CALD1: variants seen among roughly 807,000 people sequenced by gnomAD.
CALD1 encodes the protein caldesmon.
Under a neutral mutation model 99.9 loss-of-function variants are expected in CALD1, and 33 were observed. The ratio of observed to expected loss-of-function variants is 0.33; its 90% confidence interval spans 0.25 to 0.44. The LOEUF (loss-of-function observed/expected upper bound fraction) is 0.44. Among genes scored for constraint, CALD1 ranks in the 20% least tolerant of loss-of-function variants. The pLI is 1.00. For synonymous variants in CALD1, 310 were observed against 325.0 expected (o/e 0.95, Z 0.50); for missense variants, 861 against 962.1 (o/e 0.89, Z 1.39).
intron 1 of CALD1, among the ~76,000 whole-genome samples, chr7:134,758,094 A>G (rs1284962470): frequency 6.6e-6 from 1 of 152,106 alleles, no homozygotes; most frequent in Non-Finnish European, 1.5e-5. Context: ...CCACCCAGAA[A>G]CTTTCTACAA....
intron 1 of CALD1, among the ~76,000 whole-genome samples, chr7:134,831,178 T>C (rs1039045342): frequency 2.6e-5 from 4 of 152,020 alleles, no homozygotes; most frequent in African/African-American, 9.7e-5. Context: ...AGTGAAAAAA[T>C]TGAGTGCATA....
the CALD1 span, among the ~76,000 whole-genome samples, chr7:134,722,389 TTTTGTTTA>T: frequency 6.7e-6 from 1 of 148,974 alleles, no homozygotes; most frequent in African/African-American, 2.4e-5. Context: ...AGTAGTTCGA[TTTTGTTTA>T]TTTATTTATT....
chr7:134,788,044 A>G (rs1175455610), intron 1 of CALD1, among the ~76,000 whole-genome samples: 1 of 152,156 alleles, frequency 6.6e-6, no homozygotes, highest in Non-Finnish European at 1.5e-5. Context: ...CTGCACCCCA[A>G]ACTCATACTG....
At chr7:134,923,359 A>G (rs1423487270) in intron 3 of CALD1, among the ~76,000 whole-genome samples, 1 of 152,240 alleles carries the variant, frequency 6.6e-6, no homozygotes. Context: ...TTTTTAAAAA[A>G]TAGATCCACA....
In CALD1 at chr7:134,950,890, C is replaced by T. The variant is rs575767642; in HGVS notation, c.1935+376C>T. 5.9e-5 allele frequency among the ~76,000 whole-genome samples: 9 copies of T among 152,302 alleles called. No homozygotes were observed. The South Asian group carries it at 1.7e-3, about 28-fold the overall frequency. ...AGGAGAATCACTTGAACCCAGGAGG[C>T]AGAGGTTGCAGTGAGCTAAGATAAT... On this transcript the variant is annotated intron_variant, in intron 9 of 14. Transcript: ENST00000361675.
intron 2 of CALD1, among the ~76,000 whole-genome samples, chr7:134,852,604 T>C (rs184179275): frequency 7.2e-5 from 11 of 152,260 alleles, no homozygotes; most frequent in South Asian, 2.1e-4. Context: ...TAGGCAGTCA[T>C]TGAATGGAGA....
intron 2 of CALD1, among the ~76,000 whole-genome samples, chr7:134,864,924 T>C (rs568829249): frequency 1.3e-5 from 2 of 152,304 alleles, no homozygotes; most frequent in Admixed American, 6.5e-5. Context: ...CACAAAAATT[T>C]AGATTTTCAT....
intron 3 of CALD1, among the ~76,000 whole-genome samples, chr7:134,878,842 C>T (rs745409470): frequency 6.6e-6 from 1 of 151,796 alleles, no homozygotes; most frequent in Non-Finnish European, 1.5e-5. Context: ...GTAGTGTGTG[C>T]CTGTAGTACC....
At chr7:134,909,063 T>A (rs1418068341) in intron 3 of CALD1, among the ~76,000 whole-genome samples, 1 of 152,192 alleles carries the variant, frequency 6.6e-6, no homozygotes, top group East Asian at 1.9e-4. Flanking sequence ...TTTCTCTGTG[T>A]CCCTGCAAGT....
At chr7:134,847,486 C>T (rs1408392464) in intron 2 of CALD1, among the ~76,000 whole-genome samples, 1 of 152,130 alleles carries the variant, frequency 6.6e-6, no homozygotes, top group African/African-American at 2.4e-5. Flanking sequence ...GGGTCCTTGT[C>T]ATGAGATATG....
At chr7:134,879,064 G>A (rs776760226) in intron 3 of CALD1, among the ~76,000 whole-genome samples, 11 of 152,190 alleles carry the variant, frequency 7.2e-5, no homozygotes, top group Non-Finnish European at 1.5e-4. Flanking sequence ...CAGCAGGAGT[G>A]ACAGATCTGC....
intron 2 of CALD1, among the ~76,000 whole-genome samples, chr7:134,856,384 G>A (rs1360456802): frequency 6.6e-6 from 1 of 152,170 alleles, no homozygotes; most frequent in African/African-American, 2.4e-5. Flanking sequence ...GTAGCCACGC[G>A]AGGCCTGGGA....
chr7:134,849,801 C>T (rs768343348), intron 2 of CALD1, among the ~76,000 whole-genome samples: 15 of 152,040 alleles, frequency 9.9e-5, no homozygotes, highest in African/African-American at 3.4e-4. Context: ...GAGTTTAAGC[C>T]GCAGGGCCTC....
At chr7:134,791,848 C>T (rs892588077) in intron 1 of CALD1, among the ~76,000 whole-genome samples, 3 of 152,026 alleles carry the variant, frequency 2.0e-5, no homozygotes, top group Non-Finnish European at 4.4e-5. Flanking sequence ...ACAATCATGG[C>T]GGAAGGCGAA....
At chr7:134,822,747 A>C (rs1798831762) in intron 1 of CALD1, among the ~76,000 whole-genome samples, 3 of 152,166 alleles carry the variant, frequency 2.0e-5, no homozygotes, top group Non-Finnish European at 1.5e-5. Flanking sequence ...CAGACAACTT[A>C]TTCTACTTCA....
chr7:134,837,762 C>G (rs1279660785), intron 1 of CALD1, among the ~76,000 whole-genome samples: 23 of 152,176 alleles, frequency 1.5e-4, no homozygotes, highest in Non-Finnish European at 1.5e-5. Flanking sequence ...TCATGCAATG[C>G]TACCATAGAG....
At chr7:134,895,340 GTGTA>G (rs1233421975) in intron 3 of CALD1, among the ~76,000 whole-genome samples, 23 of 138,354 alleles carry the variant, frequency 1.7e-4, no homozygotes, top group East Asian at 4.0e-4. Flanking sequence ...GTGTGTGTGT[GTGTA>G]TGTATTTAGT....
intron 3 of CALD1, among the ~76,000 whole-genome samples, chr7:134,897,374 CAATATATATATATA>C (rs1273396607): frequency 6.8e-6 from 1 of 147,404 alleles, no homozygotes; most frequent in Non-Finnish European, 1.5e-5. Flanking sequence ...TACCTATATA[CAATATATATATATA>C]AATATATATA....
At chr7:134,968,121 T>G (rs1808811025) in intron 14 of CALD1, among the ~76,000 whole-genome samples, 2 of 152,160 alleles carry the variant, frequency 1.3e-5, no homozygotes, top group Admixed American at 6.5e-5. Flanking sequence ...CACTCCAGCC[T>G]GGGTGACAGA....
Sources: gnomAD v4.1 joint callset for allele counts (sites outside exome capture counted in the v4.1 genomes callset) on GRCh38, gnomAD v4.1.1 for gene constraint, MANE v1.5 for transcripts, NCBI Gene and HGNC (gene_info 2026-07-23, HGNC 2026-07-21) for gene names.